Variants in MYPN observed in about 807,000 individuals in gnomAD.
MYPN encodes sarcomeric protein myopalladin, 145 kDa (MYOP).
In MYPN, 63 loss-of-function variants were observed where a neutral mutation model predicts 129.4. That is an observed-to-expected ratio of 0.49 (90% CI 0.40 to 0.60). MYPN has a LOEUF of 0.60. Ranked by LOEUF, MYPN falls within the 20% of genes least tolerant of loss-of-function variation. The pLI, the probability that MYPN is intolerant of heterozygous loss-of-function variation, is 0.00. For missense variants in MYPN, 1,596 were observed against 1,635.4 expected, an observed-to-expected ratio of 0.98 and a Z score of 0.42; for synonymous variants, 629 against 600.9, an observed-to-expected ratio of 1.05 and a Z score of -0.68.
chr10:68,095,198 C>A (rs2041950601), intron 1 of MYPN, among the ~76,000 whole-genome samples: 1 of 151,594 alleles, frequency 6.6e-6, no homozygotes, highest in South Asian at 2.1e-4. Flanking sequence ...TCAAAAATTA[C>A]CTGGGTGTGG....
chr10:68,133,888 C>A (rs960952891), intron 2 of MYPN, among the ~76,000 whole-genome samples: 1 of 151,534 alleles, frequency 6.6e-6, no homozygotes, highest in Admixed American at 6.6e-5. Flanking sequence ...CCTGAAATTA[C>A]AGTCTGCTCC....
chr10:68,211,254 G>T lies in MYPN; in HGVS notation c.*799G>T. ...CAATCAGAAAGAAATCCTCTGTGGG[G>T]TCACTTTAAAAACTACTAGCTTCAA... On this transcript the variant is annotated 3_prime_UTR_variant, in exon 20 of 20. Transcript: ENST00000358913. The T allele has an allele frequency of 2.2e-6, 1 of 454,040 alleles. No individual in the cohort carries two copies. Among genetic ancestry groups the T allele is most frequent in the South Asian group, 1.6e-5 (1 of 64,468 alleles). The allele number at this position is 454,040 out of a possible 1,614,324, so 28.1% of individuals were successfully genotyped here.
intron 2 of MYPN, among the ~76,000 whole-genome samples, chr10:68,142,490 A>T (rs1338279079): frequency 6.6e-6 from 1 of 152,202 alleles, no homozygotes; most frequent in African/African-American, 2.4e-5. Flanking sequence ...GAACAAATTA[A>T]TTTTCATTTA....
At chr10:68,150,952 T>C (rs1254166819) in intron 6 of MYPN, among the ~76,000 whole-genome samples, 2 of 152,204 alleles carry the variant, frequency 1.3e-5, no homozygotes, top group Non-Finnish European at 1.5e-5. Flanking sequence ...TTTAGAGCAA[T>C]GGTTCTCAAT....
chr10:68,156,110 A>G (rs1361348469), intron 6 of MYPN, among the ~76,000 whole-genome samples: 1 of 152,184 alleles, frequency 6.6e-6, no homozygotes, highest in Non-Finnish European at 1.5e-5. Context: ...GTCAGAGCAT[A>G]TTAGATTGAC....
chr10:68,188,915 T>C lies in MYPN; in HGVS notation c.2714T>C (p.Ile905Thr). The C allele has an allele frequency of 6.2e-7, 1 of 1,613,816 alleles. No individual in the cohort carries two copies. The highest frequency in any genetic ancestry group is 2.2e-5 in the East Asian group (1 of 44,848). Reference sequence around the variant, plus strand: ...TTGTCATTTTGACAGGAGTACAAAATTTCAAGCTTTGAGCAGAGGCTGATG... The same window carrying C: ...TTGTCATTTTGACAGGAGTACAAAACTTCAAGCTTTGAGCAGAGGCTGATG... ...DVRPNQQEYKISSFEQRLMNE... is the reference protein window; with the variant it reads ...DVRPNQQEYKTSSFEQRLMNE... Residue 905 changes from isoleucine to threonine, a missense_variant, in exon 13 of 20, where the codon ATT becomes ACT. By Grantham distance (89) the Ile-to-Thr change is moderately conservative. Coordinates refer to ENST00000358913, the MANE Select transcript of MYPN (RefSeq NM_032578.4).
chr10:68,171,457 A>C (rs1589584112), intron 10 of MYPN, among the ~76,000 whole-genome samples: 1 of 152,028 alleles, frequency 6.6e-6, no homozygotes, highest in African/African-American at 2.4e-5. Flanking sequence ...CCCACCCTAC[A>C]CCTGCCGAAT....
rs757779682 is a variant in MYPN, at chr10:68,210,720, T to A, written c.*265T>A. 24 of 563,638 alleles carry A rather than the reference T, an allele frequency of 4.3e-5. No individual in the cohort carries two copies. The Middle Eastern group carries it at 1.5e-3, about 35-fold the overall frequency. The allele number at this position is 563,638 out of a possible 1,614,324, so 34.9% of individuals were successfully genotyped here. ...AAGATGTCACACAGTTGCCATCCACTGCTTTGGGAAAAAACTAGCATGCTC... is the reference window on the plus strand; with the variant it reads ...AAGATGTCACACAGTTGCCATCCACAGCTTTGGGAAAAAACTAGCATGCTC... On this transcript the variant is annotated 3_prime_UTR_variant, in exon 20 of 20. Coordinates refer to ENST00000358913, the MANE Select transcript of MYPN (RefSeq NM_032578.4).
intron 18 of MYPN, among the ~76,000 whole-genome samples, chr10:68,203,696 CACACACACACACACAT>C (rs2043758329): frequency 2.9e-5 from 1 of 34,552 alleles, no homozygotes; most frequent in African/African-American, 4.7e-5. Flanking sequence ...CACGCACACA[CACACACACACACACAT>C]ACACACACAG....
At chr10:68,160,815 C>G (rs541091777) in intron 7 of MYPN, among the ~76,000 whole-genome samples, 46 of 151,878 alleles carry the variant, frequency 3.0e-4, no homozygotes, top group Admixed American at 2.7e-3. Flanking sequence ...TACGCAGGAG[C>G]CTGAGGTAGG....
rs2043724483 is a variant in MYPN, at chr10:68,202,041, T to C, written c.3659+47T>C. ...GAGGGACTCCCACTCTCAGTGGGGC[T>C]TGTTGCGCCACCCAAATAAGTCTGC... On this transcript the variant is annotated intron_variant, in intron 18 of 19. Transcript: ENST00000358913. 1.9e-6 allele frequency: 3 copies of C among 1,604,806 alleles called. No homozygotes were observed. In the East Asian group the frequency reaches 6.7e-5, roughly 36 times the overall value.
At chr10:68,183,490 T>A (rs1314536984) in intron 12 of MYPN, among the ~76,000 whole-genome samples, 1 of 150,762 alleles carries the variant, frequency 6.6e-6, no homozygotes, top group East Asian at 2.0e-4. Context: ...GAAAAAAAAA[T>A]AGTTCATAAT....
chr10:68,167,696 C>T (rs755433523), intron 10 of MYPN, among the ~76,000 whole-genome samples: 2 of 152,174 alleles, frequency 1.3e-5, no homozygotes, highest in South Asian at 2.1e-4. Context: ...AGAAGCCATT[C>T]GTGTTTAGTT....
chr10:68,124,997 A>G (rs550483022), intron 2 of MYPN, among the ~76,000 whole-genome samples: 133 of 152,334 alleles, frequency 8.7e-4, no homozygotes, highest in African/African-American at 2.8e-3. Flanking sequence ...CACAAAACTT[A>G]GGTTAGTCCT....
At chr10:68,157,015 A>G (rs767509785) in intron 6 of MYPN, among the ~76,000 whole-genome samples, 15 of 152,344 alleles carry the variant, frequency 9.8e-5, no homozygotes, top group South Asian at 2.1e-4. Flanking sequence ...AAAAGAATGT[A>G]TTGTTTTCAG....
intron 6 of MYPN, among the ~76,000 whole-genome samples, chr10:68,154,289 C>G (rs1015511416): frequency 6.6e-6 from 1 of 152,210 alleles, no homozygotes; most frequent in Non-Finnish European, 1.5e-5. Flanking sequence ...ATCACTGCTC[C>G]CACCCCAGCA....
chr10:68,160,698 C>T (rs899604098), intron 7 of MYPN, among the ~76,000 whole-genome samples: 9 of 152,080 alleles, frequency 5.9e-5, no homozygotes, highest in African/African-American at 1.7e-4. Flanking sequence ...GGGCGGATCA[C>T]GTGAGGCCAG....
chr10:68,166,159 C>T (rs2043049843), intron 9 of MYPN, 135 bp from the exon 10 acceptor site: 1 of 1,009,872 alleles, frequency 9.9e-7, no homozygotes, highest in South Asian at 1.3e-5. Context: ...CTTTAATGCC[C>T]AGATGATGAT....
At chr10:68,135,985 ACT>A (rs1182152423) in intron 2 of MYPN, among the ~76,000 whole-genome samples, 5 of 152,238 alleles carry the variant, frequency 3.3e-5, no homozygotes, top group Middle Eastern at 3.4e-3. Flanking sequence ...TTAAAGAAAG[ACT>A]CTGAGTAATC....
Sources: gnomAD v4.1 joint callset for allele counts (sites outside exome capture counted in the v4.1 genomes callset) on GRCh38, gnomAD v4.1.1 for gene constraint, MANE v1.5 for transcripts, NCBI Gene and HGNC (gene_info 2026-07-23, HGNC 2026-07-21) for gene names.